Variants in VAMP7 observed in about 807,000 individuals in gnomAD.
VAMP7 encodes the protein vesicle associated membrane protein 7, also known as vesicle-associated membrane protein 7.
Under a neutral mutation model 29.6 loss-of-function variants are expected in VAMP7, and 14 were observed. The observed-to-expected ratio is 0.47, with a 90% CI of 0.31 to 0.74. VAMP7 has a LOEUF of 0.74. Ranked by LOEUF, VAMP7 falls within the 30% of genes least tolerant of loss-of-function variation. VAMP7 has a pLI of 0.05. For synonymous variants in VAMP7, 95 were observed against 88.1 expected (o/e 1.08, Z -0.44); for missense variants, 223 against 262.4 (o/e 0.85, Z 1.04).
intron 4 of VAMP7, 85 bp downstream of exon 4, chrX:155,898,334 G>A (rs2066014978): frequency 3.4e-6 from 5 of 1,481,306 alleles, no homozygotes; most frequent in Non-Finnish European, 3.6e-6. Flanking sequence ...GCCCTGACCT[G>A]CAATATAGTT....
rs35677127 is a variant in VAMP7, at chrX:155,927,408, GA to G, written c.501+7540del. On this transcript the variant is annotated intron_variant, in intron 6 of 7. Transcript: ENST00000286448. ...GAAACAAAAAGTGCAGGCCAAGCAGGAAAAAAAAAAAACAAACCAGAAAAAT... is the reference window on the plus strand; with the variant it reads ...GAAACAAAAAGTGCAGGCCAAGCAGGAAAAAAAAAAACAAACCAGAAAAAT... 5.3e-3 allele frequency among the ~76,000 whole-genome samples: 677 copies of G among 126,922 alleles called. 4 individuals carry two copies. The highest frequency in any genetic ancestry group is 0.018 in the African/African-American group (630 of 34,276). 83.3% of individuals were successfully genotyped at this position (126,922 alleles called of 152,430 possible).
At chrX:155,935,515 G>A (rs770358256) in intron 6 of VAMP7, among the ~76,000 whole-genome samples, 8 of 152,026 alleles carry the variant, frequency 5.3e-5, no homozygotes, top group South Asian at 2.1e-4. Flanking sequence ...TTGTGCATTC[G>A]TCACTTAGTT....
At position 155,931,370 on chromosome X, in the gene VAMP7, C is replaced by CTGT. The variant is rs762191411; in HGVS notation, c.502-8326_502-8324dup. Among the ~76,000 whole-genome samples, 163 of 152,244 alleles carry CTGT rather than the reference C, an allele frequency of 1.1e-3. 2 individuals carry two copies. Among genetic ancestry groups the CTGT allele is most frequent in the African/African-American group, 3.8e-3 (157 of 41,536 alleles). On this transcript the variant is annotated intron_variant, in intron 6 of 7. Coordinates refer to ENST00000286448, the MANE Select transcript of VAMP7 (RefSeq NM_005638.6). ...TGTTTCTCCACATCCTCTCCAGCAC[C>CTGT]TGTTGTTTCCTGACTTTTTAATGAT...
At chrX:155,937,628 T>C (rs2066681238) in intron 6 of VAMP7, among the ~76,000 whole-genome samples, 1 of 152,132 alleles carries the variant, frequency 6.6e-6, no homozygotes, top group Admixed American at 6.5e-5. Context: ...TTACTAAAAG[T>C]GTAACATTTT....
intron 2 of VAMP7, among the ~76,000 whole-genome samples, chrX:155,891,996 T>A (rs1428108998): frequency 1.3e-5 from 2 of 152,182 alleles, no homozygotes; most frequent in Non-Finnish European, 2.9e-5. Flanking sequence ...TAGTCGTCCT[T>A]TTAGAGGCAA....
chrX:155,890,661 C>T (rs768254046), intron 2 of VAMP7, among the ~76,000 whole-genome samples: 2 of 152,170 alleles, frequency 1.3e-5, no homozygotes, highest in Non-Finnish European at 2.9e-5. Context: ...GCCCCTGGCC[C>T]TTCAGTCAGT....
intron 2 of VAMP7, 76 bp downstream of exon 2, chrX:155,889,688 G>C: frequency 6.7e-7 from 1 of 1,492,124 alleles, no homozygotes; most frequent in African/African-American, 1.4e-5. Context: ...TAGAAAAGTA[G>C]AAAACAAGCT....
In VAMP7 at chrX:155,895,698, A is replaced by T. The variant is rs199749995; in HGVS notation, c.204+18A>T. On this transcript the variant is annotated intron_variant, in intron 3 of 7. Coordinates refer to ENST00000286448, the MANE Select transcript of VAMP7 (RefSeq NM_005638.6). The stretch of plus-strand genomic sequence containing the variant: ...CTGATGATGTAAGTAACTTGAAGAC[A>T]TATTGCTATTTAACTATGTGTACTG... 45 of 1,603,008 alleles carry T rather than the reference A, an allele frequency of 2.8e-5. No homozygotes were observed. Among genetic ancestry groups the T allele is most frequent in the Non-Finnish European group, 3.8e-5 (44 of 1,170,368 alleles).
chrX:155,906,703 CTTT>C (rs1434007930), intron 5 of VAMP7, among the ~76,000 whole-genome samples: 1 of 152,026 alleles, frequency 6.6e-6, no homozygotes, highest in Non-Finnish European at 1.5e-5. Flanking sequence ...GTTCTAATAG[CTTT>C]TTAATAGTTT....
chrX:155,907,033 T>C (rs745660147), intron 5 of VAMP7, among the ~76,000 whole-genome samples: 26 of 152,194 alleles, frequency 1.7e-4, no homozygotes, highest in African/African-American at 6.0e-4. Flanking sequence ...TTGGATTTTG[T>C]CAATTTTTTT....
intron 1 of VAMP7, among the ~76,000 whole-genome samples, chrX:155,886,164 A>T (rs776512934): frequency 6.6e-6 from 1 of 151,950 alleles, no homozygotes; most frequent in East Asian, 1.9e-4. Flanking sequence ...TTTATGGTTT[A>T]TTAGGCATTT....
At chrX:155,933,194 G>T (rs1047653837) in intron 6 of VAMP7, among the ~76,000 whole-genome samples, 20 of 152,140 alleles carry the variant, frequency 1.3e-4, no homozygotes, top group Admixed American at 1.2e-3. Context: ...CCAGGCTTAG[G>T]TATCAGGATG....
At chrX:155,894,313 T>TTTTTTTTTTTTTTG (rs2065960379) in intron 2 of VAMP7, among the ~76,000 whole-genome samples, 1 of 150,844 alleles carries the variant, frequency 6.6e-6, no homozygotes, top group African/African-American at 2.4e-5. Context: ...TTTTTTTTTT[T>TTTTTTTTTTTTTTG]TTTTTTTTTT....
At chrX:155,890,471 G>A (rs370305078) in intron 2 of VAMP7, among the ~76,000 whole-genome samples, 3 of 152,118 alleles carry the variant, frequency 2.0e-5, no homozygotes, top group East Asian at 1.9e-4. Flanking sequence ...GATGATTCTC[G>A]TGCCTTAGCC....
At chrX:155,886,842 T>G (rs1267317355) in intron 1 of VAMP7, among the ~76,000 whole-genome samples, 2 of 152,196 alleles carry the variant, frequency 1.3e-5, no homozygotes, top group African/African-American at 4.8e-5. Context: ...ATACCGTTGG[T>G]TCATAATGAA....
In VAMP7 at chrX:155,901,668, G is replaced by T. The variant is rs765277049; in HGVS notation, c.433+1081G>T. 5.9e-5 allele frequency among the ~76,000 whole-genome samples: 9 copies of T among 152,224 alleles called. No homozygotes were observed. In the East Asian group the frequency reaches 1.2e-3, roughly 20 times the overall value. The stretch of plus-strand genomic sequence containing the variant: ...GCTTGTTTTTCTTAGGTTTGTCAAA[G>T]ATCAGATGGTTGTAGATATGTGGCG... On this transcript the variant is annotated intron_variant, in intron 5 of 7. Transcript: ENST00000286448.
At chrX:155,903,810 G>T (rs1251812091) in intron 5 of VAMP7, among the ~76,000 whole-genome samples, 6 of 152,048 alleles carry the variant, frequency 3.9e-5, no homozygotes, top group African/African-American at 1.4e-4. Context: ...ATTCCTCAGG[G>T]ATCTAGAACT....
At chrX:155,935,995 G>C (rs2066647797) in intron 6 of VAMP7, among the ~76,000 whole-genome samples, 1 of 152,154 alleles carries the variant, frequency 6.6e-6, no homozygotes, top group Non-Finnish European at 1.5e-5. Context: ...GGTATCAGCA[G>C]CGGAGGCTGC....
intron 5 of VAMP7, among the ~76,000 whole-genome samples, chrX:155,908,594 C>T (rs1423209974): frequency 2.5e-5 from 3 of 119,722 alleles, no homozygotes; most frequent in Non-Finnish European, 5.2e-5. Context: ...GAGGGAGAGC[C>T]ATTTTCTTTT....
Sources: allele counts gnomAD v4.1 joint callset (sites outside exome capture counted in the v4.1 genomes callset), GRCh38; gene constraint gnomAD v4.1.1; transcripts MANE v1.5; gene names NCBI Gene and HGNC (gene_info 2026-07-23, HGNC 2026-07-21).